The following C21orf91 variants were observed in gnomAD, a reference collection of about 807,000 sequenced individuals.
C21orf91 encodes protein EURL homolog.
In C21orf91, 26 loss-of-function variants were observed where a neutral mutation model predicts 32.9. The observed-to-expected ratio is 0.79, with a 90% confidence interval of 0.58 to 1.10. The LOEUF (loss-of-function observed/expected upper bound fraction) is 1.10, where lower values mean the gene tolerates loss of function less well. Among genes scored for constraint, C21orf91 ranks in the 50% least tolerant of loss-of-function variants. C21orf91 has a pLI of 0.00. For synonymous variants in C21orf91, 126 were observed against 120.4 expected, an observed-to-expected ratio of 1.05 and a Z score of -0.31; for missense variants, 310 against 341.3, an observed-to-expected ratio of 0.91 and a Z score of 0.72.
Position 17,796,851 on chromosome 21 carries a change from A to C in C21orf91, c.395T>G (p.Leu132Arg), listed in dbSNP as rs1024550360. 3.1e-6 allele frequency: 5 copies of C among 1,613,932 alleles called. No individual in the cohort carries two copies. The African/African-American group carries it at 5.3e-5, about 17-fold the overall frequency. The change falls in exon 3 of 5, where the codon CTC becomes CGC. Residue 132 changes from leucine (L) to arginine (R), a missense_variant. Transcript: ENST00000284881. ...NFRHKPEEKL[L>R]PQFDSQVPKY... ...TGGTACTTGGGAGTCAAACTGTGGG[A>C]GTAATTTTTCTTCTGGCTTATGCCT... is the stretch of plus-strand genomic sequence containing the variant.
In C21orf91 at chr21:17,795,191, C is replaced by A. The variant is rs201848082; in HGVS notation, c.727+17G>T. On this transcript the variant is annotated intron_variant, in intron 4 of 4. Transcript: ENST00000284881. Reference sequence around the variant, plus strand: ...AAAATTTGTCACACACAAAAAAGTACTGACAGTGATTCTTACCCTGGATTT... The same window carrying A: ...AAAATTTGTCACACACAAAAAAGTAATGACAGTGATTCTTACCCTGGATTT... 4 of 1,569,496 alleles carry A rather than the reference C, an allele frequency of 2.5e-6. No homozygotes were observed. Among genetic ancestry groups the A allele is most frequent in the Non-Finnish European group, 3.5e-6 (4 of 1,139,756 alleles).
chr21:17,795,641 T>A (rs1357309073), intron 3 of C21orf91, among the ~76,000 whole-genome samples: 2 of 152,080 alleles, frequency 1.3e-5, no homozygotes, highest in Non-Finnish European at 2.9e-5. Context: ...CACACCTAAT[T>A]TTTTTATTTT....
At position 17,808,579 on chromosome 21, in the gene C21orf91, A is replaced by T. The variant is rs550953196; in HGVS notation, c.127+9613T>A. Among the ~76,000 whole-genome samples the T allele has an allele frequency of 2.0e-5, 3 of 152,332 alleles. No homozygotes were observed. The South Asian group carries it at 6.2e-4, about 32-fold the overall frequency. On this transcript the variant is annotated intron_variant, in intron 2 of 4. Coordinates refer to ENST00000284881, the MANE Select transcript of C21orf91 (RefSeq NM_001100420.2). ...GACAGCTTTCACTGTGCACCTGGAA[A>T]AGCTGCAGGCACATAACCCCAGTTT...
chr21:17,808,700 CTG>C (rs2062614155), intron 2 of C21orf91, among the ~76,000 whole-genome samples: 1 of 152,184 alleles, frequency 6.6e-6, no homozygotes, highest in Non-Finnish European at 1.5e-5. Flanking sequence ...AGACTTTGGA[CTG>C]TGGACTTTTG....
In C21orf91 at chr21:17,790,437, C is replaced by T. The variant is rs1023893049; in HGVS notation, c.*2978G>A. 2.0e-5 allele frequency: 3 copies of T among 152,026 alleles called. No individual in the cohort carries two copies. The highest frequency in any genetic ancestry group is 7.2e-5 in the African/African-American group (3 of 41,420). The allele number at this position is 152,026 out of a possible 1,614,324, so 9.4% of individuals were successfully genotyped here. On this transcript the variant is annotated 3_prime_UTR_variant, in exon 5 of 5. Coordinates refer to ENST00000284881, the MANE Select transcript of C21orf91 (RefSeq NM_001100420.2). ...AATATAGTAAAATGAAAAACCAAAT[C>T]TCAAGATGCCTGTCAAGATATATTT...
intron 2 of C21orf91, among the ~76,000 whole-genome samples, chr21:17,797,582 G>GA (rs71189563): frequency 0.023 from 2,934 of 128,802 alleles, 37 homozygotes; most frequent in African/African-American, 0.039. Context: ...TATGTTTATT[G>GA]AAAAAAAAAA....
intron 2 of C21orf91, among the ~76,000 whole-genome samples, chr21:17,816,457 A>C (rs2062665334): frequency 6.6e-6 from 1 of 152,258 alleles, no homozygotes; most frequent in East Asian, 1.9e-4. Context: ...CTGAGAGAAT[A>C]GCAAGGATAA....
intron 3 of C21orf91, 150 bp from the exon 4 acceptor site, chr21:17,795,420 G>C (rs915223356): frequency 1.3e-5 from 8 of 625,498 alleles, no homozygotes; most frequent in South Asian, 1.9e-5. Flanking sequence ...ATTAACGCTC[G>C]TAAGTGTGGA....
At chr21:17,793,676 CAA>C (rs769988548) in intron 4 of C21orf91, 95 bp from the exon 5 acceptor site, 1 of 745,298 alleles carries the variant, frequency 1.3e-6, no homozygotes, top group South Asian at 1.8e-5. Flanking sequence ...ATGCATTGGG[CAA>C]AGTGTCACAA....
chr21:17,797,322 C>T (rs2062527399), intron 2 of C21orf91, among the ~76,000 whole-genome samples: 1 of 151,916 alleles, frequency 6.6e-6, no homozygotes, highest in Admixed American at 6.6e-5. Flanking sequence ...TTATGGATAG[C>T]AAAATCTTTC....
Position 17,806,495 on chromosome 21 carries a change from A to T in C21orf91, c.128-9377T>A, listed in dbSNP as rs1002122240. 1.3e-4 allele frequency among the ~76,000 whole-genome samples: 16 copies of T among 124,266 alleles called. No homozygotes were observed. The Admixed American group carries it at 1.4e-3, about 11-fold the overall frequency. The allele number at this position is 124,266 out of a possible 152,430, so 81.5% of individuals were successfully genotyped here. ...ACATAGAAAATAACTGTAGGTTGCC[A>T]AGCTGATGAGTTAGTAAAAAAAAAA... is the stretch of plus-strand genomic sequence containing the variant. On this transcript the variant is annotated intron_variant, in intron 2 of 4. Transcript: ENST00000284881.
In C21orf91 at chr21:17,795,378, C is replaced by T. The variant is rs965216146; in HGVS notation, c.665-108G>A. The T allele has an allele frequency of 1.1e-5, 8 of 749,600 alleles. No homozygotes were observed. In the African/African-American group the frequency reaches 1.2e-4, roughly 11 times the overall value. The allele number at this position is 749,600 out of a possible 1,614,324, so 46.4% of individuals were successfully genotyped here. A position where few individuals can be genotyped will look rare whatever the true frequency, so the allele number is the denominator to read the frequency against. On this transcript the variant is annotated intron_variant, in intron 3 of 4. Coordinates refer to ENST00000284881, the MANE Select transcript of C21orf91 (RefSeq NM_001100420.2). The stretch of plus-strand genomic sequence containing the variant: ...TTAAAAATCAGCACTTAACTGCCAA[C>T]ACAACATTCAGCAGTACTCCAGTAT...
intron 2 of C21orf91, among the ~76,000 whole-genome samples, chr21:17,803,585 AAAGGT>A (rs1254324130): frequency 1.3e-5 from 2 of 152,184 alleles, no homozygotes; most frequent in Non-Finnish European, 2.9e-5. Context: ...TTCCAAGAGT[AAAGGT>A]GTTTTTCTTT....
chr21:17,799,734 C>T (rs1376465390), intron 2 of C21orf91, among the ~76,000 whole-genome samples: 1 of 152,048 alleles, frequency 6.6e-6, no homozygotes, highest in Non-Finnish European at 1.5e-5. Flanking sequence ...TATCTCCTGA[C>T]AAAATGTAGG....
chr21:17,807,135 C>T (rs926087260), intron 2 of C21orf91, among the ~76,000 whole-genome samples: 5 of 152,136 alleles, frequency 3.3e-5, no homozygotes, highest in Non-Finnish European at 7.3e-5. Flanking sequence ...GATATGGTTT[C>T]GATTTGTGTT....
chr21:17,817,478 AT>A (rs980083755), intron 2 of C21orf91, among the ~76,000 whole-genome samples: 15 of 151,890 alleles, frequency 9.9e-5, no homozygotes, highest in African/African-American at 3.4e-4. Flanking sequence ...TACAGGCCAA[AT>A]TTTTTTTGCA....
At chr21:17,804,972 T>C (rs1233059645) in intron 2 of C21orf91, among the ~76,000 whole-genome samples, 1 of 152,210 alleles carries the variant, frequency 6.6e-6, no homozygotes, top group African/African-American at 2.4e-5. Flanking sequence ...TGTTTATTAC[T>C]AAAAAGGCAC....
intron 2 of C21orf91, among the ~76,000 whole-genome samples, chr21:17,804,133 T>A (rs181316288): frequency 1.4e-3 from 207 of 152,302 alleles, no homozygotes; most frequent in African/African-American, 4.8e-3. Context: ...TTGTGCTCAA[T>A]TCGACTAGAC....
chr21:17,795,922 T>C (rs1348306968), intron 3 of C21orf91, among the ~76,000 whole-genome samples: 1 of 152,252 alleles, frequency 6.6e-6, no homozygotes, highest in African/African-American at 2.4e-5. Flanking sequence ...ATTAAGCTTA[T>C]TTTGATTAAG....
Sources: allele counts gnomAD v4.1 joint callset (sites outside exome capture counted in the v4.1 genomes callset), GRCh38; gene constraint gnomAD v4.1.1; transcripts MANE v1.5; gene names NCBI Gene and HGNC (gene_info 2026-07-23, HGNC 2026-07-21).